Variants in SPAG16 observed in about 807,000 individuals in gnomAD.
SPAG16 encodes the protein sperm-associated antigen 16 protein.
SPAG16 carries 86 observed loss-of-function variants against 80.4 expected under a neutral mutation model. The ratio of observed to expected loss-of-function variants is 1.07; its 90% CI spans 0.90 to 1.28. The LOEUF (loss-of-function observed/expected upper bound fraction) is 1.28, where lower values mean the gene tolerates loss of function less well. Among genes scored for constraint, SPAG16 ranks in the 50% most tolerant of loss-of-function variants. The pLI is 0.00. For missense variants in SPAG16, 870 were observed against 765.3 expected (o/e 1.14, Z -1.61); for synonymous variants, 294 against 265.9 (o/e 1.11, Z -1.03).
chr2:214,380,415 C>G (rs1700381071), intron 15 of SPAG16, among the ~76,000 whole-genome samples: 1 of 152,168 alleles, frequency 6.6e-6, no homozygotes, highest in Non-Finnish European at 1.5e-5. Context: ...TTATGTAGTC[C>G]TGTGTGATTG....
intron 10 of SPAG16, among the ~76,000 whole-genome samples, chr2:213,610,609 G>A (rs142693195): frequency 0.012 from 1,831 of 152,166 alleles, 34 homozygotes; most frequent in African/African-American, 0.031. Flanking sequence ...TGGATCTTGC[G>A]CAAGAAAGAA....
chr2:213,653,661 T>C (rs1436863300), intron 10 of SPAG16, among the ~76,000 whole-genome samples: 1 of 152,158 alleles, frequency 6.6e-6, no homozygotes. Flanking sequence ...AGAAAATATA[T>C]CCATCTCTCA....
intron 9 of SPAG16, among the ~76,000 whole-genome samples, chr2:213,415,763 C>T (rs1031587867): frequency 4.7e-4 from 71 of 152,230 alleles, no homozygotes; most frequent in African/African-American, 1.7e-3. Flanking sequence ...GTCTTTGGGA[C>T]ATCTGAGTAA....
chr2:214,344,894 T>G (rs1460934210), intron 15 of SPAG16, among the ~76,000 whole-genome samples: 1 of 152,190 alleles, frequency 6.6e-6, no homozygotes, highest in Admixed American at 6.5e-5. Flanking sequence ...TCTTCATTCA[T>G]GCACATTTGA....
chr2:213,513,585 T>G (rs1267377610), intron 10 of SPAG16, among the ~76,000 whole-genome samples: 1 of 152,128 alleles, frequency 6.6e-6, no homozygotes, highest in East Asian at 1.9e-4. Flanking sequence ...ACCTTCAAGA[T>G]TTTGAGAAGG....
chr2:213,577,868 C>T (rs1245826558), intron 10 of SPAG16, among the ~76,000 whole-genome samples: 1 of 152,084 alleles, frequency 6.6e-6, no homozygotes, highest in Non-Finnish European at 1.5e-5. Context: ...CTCTTGTCCT[C>T]TTGCTCTGTT....
intron 9 of SPAG16, among the ~76,000 whole-genome samples, chr2:213,419,052 G>A (rs1185643584): frequency 1.0e-5 from 1 of 96,532 alleles, no homozygotes; most frequent in African/African-American, 2.9e-5. Context: ...AATAGAGAGA[G>A]TGATGAGGAC....
At chr2:213,485,066 C>G (rs1279500689) in intron 9 of SPAG16, among the ~76,000 whole-genome samples, 3 of 151,270 alleles carry the variant, frequency 2.0e-5, no homozygotes, top group Admixed American at 1.3e-4. Context: ...ACAATCCTGG[C>G]TCACTGCAAC....
intron 9 of SPAG16, among the ~76,000 whole-genome samples, chr2:213,379,346 A>C (rs1040026676): frequency 6.6e-6 from 1 of 152,132 alleles, no homozygotes; most frequent in African/African-American, 2.4e-5. Flanking sequence ...AAGTATTGTC[A>C]CCTAGTTCGT....
intron 9 of SPAG16, among the ~76,000 whole-genome samples, chr2:213,432,528 A>C (rs865937531): frequency 2.0e-5 from 3 of 152,268 alleles, no homozygotes; most frequent in Middle Eastern, 6.8e-3. Context: ...CAAATTTCCA[A>C]GATTGAACTA....
intron 10 of SPAG16, among the ~76,000 whole-genome samples, chr2:213,538,814 C>T (rs1406420484): frequency 6.9e-6 from 1 of 145,864 alleles, no homozygotes; most frequent in East Asian, 1.9e-4. Flanking sequence ...TACATATGTA[C>T]GTATCTATTT....
chr2:213,997,825 A>T (rs952334645), intron 12 of SPAG16, among the ~76,000 whole-genome samples: 10 of 152,172 alleles, frequency 6.6e-5, no homozygotes, highest in Non-Finnish European at 1.0e-4. Flanking sequence ...TCTGGGCTGC[A>T]TGCAGCCCAT....
intron 6 of SPAG16, among the ~76,000 whole-genome samples, chr2:213,344,875 T>C (rs552071871): frequency 4.6e-5 from 7 of 152,354 alleles, no homozygotes; most frequent in Admixed American, 2.6e-4. Context: ...GCATGATTTA[T>C]AATCCTTTGG....
At chr2:214,146,487 G>A (rs1053406272) in intron 14 of SPAG16, among the ~76,000 whole-genome samples, 1 of 152,152 alleles carries the variant, frequency 6.6e-6, no homozygotes, top group Non-Finnish European at 1.5e-5. Flanking sequence ...GCTTTGGAAG[G>A]ACTTGGACCA....
At chr2:213,360,951 C>T (rs1035857565) in intron 7 of SPAG16, among the ~76,000 whole-genome samples, 1 of 152,234 alleles carries the variant, frequency 6.6e-6, no homozygotes, top group Admixed American at 6.5e-5. Flanking sequence ...CTGATTGTTA[C>T]TTCCTTAAAA....
intron 1 of SPAG16, among the ~76,000 whole-genome samples, chr2:213,293,869 C>A (rs72935143): frequency 0.2 from 31,089 of 152,084 alleles, 3,922 homozygotes; most frequent in Non-Finnish European, 0.29. Context: ...AAATGATTAC[C>A]ACACCCAAGC....
chr2:213,841,324 G>T (rs183112106), intron 10 of SPAG16, among the ~76,000 whole-genome samples: 1 of 152,160 alleles, frequency 6.6e-6, no homozygotes, highest in East Asian at 1.9e-4. Flanking sequence ...CATAAGGGTA[G>T]TTTGTACATG....
intron 10 of SPAG16, among the ~76,000 whole-genome samples, chr2:213,629,958 C>T (rs1014922262): frequency 6.6e-6 from 1 of 152,198 alleles, no homozygotes; most frequent in Non-Finnish European, 1.5e-5. Flanking sequence ...TTATATTTTC[C>T]CTCCAGCCTA....
At chr2:214,380,629 C>T (rs969573827) in intron 15 of SPAG16, among the ~76,000 whole-genome samples, 2 of 152,162 alleles carry the variant, frequency 1.3e-5, no homozygotes, top group African/African-American at 4.8e-5. Flanking sequence ...TTAATTAACA[C>T]ATAAAGAACT....
Sources: gnomAD v4.1 joint callset for allele counts (sites outside exome capture counted in the v4.1 genomes callset) on GRCh38, gnomAD v4.1.1 for gene constraint, MANE v1.5 for transcripts, NCBI Gene and HGNC (gene_info 2026-07-23, HGNC 2026-07-21) for gene names.